TMC6: variants seen among roughly 807,000 people sequenced by gnomAD.
The protein encoded by TMC6 is transmembrane channel like 6.
A neutral mutation model predicts 95.4 loss-of-function variants in TMC6; 71 were observed. That is an observed-to-expected ratio of 0.74 (90% CI 0.61 to 0.91). The LOEUF is 0.91. TMC6 is among the 40% of genes least tolerant of loss of function. The pLI is 0.00. For missense variants in TMC6, 1,074 were observed against 1,079.1 expected (o/e 1.00, Z 0.07); for synonymous variants, 514 against 483.1 (o/e 1.06, Z -0.84).
At position 78,109,752 on chromosome 17, in the gene TMC6, A is replaced by T; in HGVS notation, c.*3396T>A. 5.8e-6 allele frequency: 2 copies of T among 347,380 alleles called. No homozygotes were observed. The highest frequency in any genetic ancestry group is 4.3e-5 in the South Asian group (2 of 46,730). The allele number at this position is 347,380 out of a possible 1,614,324, so 21.5% of individuals were successfully genotyped here. A position where few individuals can be genotyped will look rare whatever the true frequency, so the allele number is the denominator to read the frequency against. The stretch of plus-strand genomic sequence containing the variant: ...GGGTTCTCAACCTTGGCCCATTAGA[A>T]TTACCTGAAAATTTTTAAGATAATT... On this transcript the variant is annotated 3_prime_UTR_variant, in exon 20 of 20. Transcript: ENST00000590602.
At position 78,109,111 on chromosome 17, in the gene TMC6, T is replaced by TTTG. The variant is rs371196010; in HGVS notation, c.*4034_*4036dup. 38 of 262,202 alleles carry TTTG rather than the reference T, an allele frequency of 1.4e-4. No individual in the cohort carries two copies. Among genetic ancestry groups the TTTG allele is most frequent in the African/African-American group, 7.1e-4 (32 of 44,878 alleles). 16.2% of individuals were successfully genotyped at this position (262,202 alleles called of 1,614,324 possible). ...ACAGGCATGAGCCAGGTGCCCAGCC[T>TTTG]TTGTTGTTGTTGTTGTTGCTGCTAT... On this transcript the variant is annotated 3_prime_UTR_variant, in exon 20 of 20. Transcript: ENST00000590602.
In TMC6 at chr17:78,117,343, C is replaced by G; in HGVS notation, c.2203G>C (p.Val735Leu). Residue 735 changes from valine to leucine, a missense_variant, in exon 18 of 20, where the codon GTG becomes CTG. Transcript: ENST00000590602. ...VFLVSALLLA[V>L]IYLNIQVVRG... ...ACCACCTGGATGTTGAGGTAGATCA[C>G]GGCCCTGCGGGAGAGGGGCTGTCGG... The G allele has an allele frequency of 3.1e-6, 5 of 1,613,106 alleles. No homozygotes were observed. Among genetic ancestry groups the G allele is most frequent in the Admixed American group, 1.7e-5 (1 of 60,018 alleles).
intron 8 of TMC6, 168 bp downstream of exon 8, chr17:78,124,356 T>A: frequency 7.5e-7 from 1 of 1,340,336 alleles, no homozygotes; most frequent in South Asian, 1.3e-5. Context: ...CCCAGCACGA[T>A]GAGCATCCAG....
Position 78,122,720 on chromosome 17 carries a change from CGGTAGCT to C in TMC6, c.1105_1111del (p.Ser369GlyfsTer21). On this transcript the variant is annotated frameshift_variant, in exon 10 of 20. Transcript: ENST00000590602. LOFTEE classifies it high-confidence loss of function. This position sits in a 1 kb window ranked among gnomAD's most constrained non-coding sequence, Gnocchi z 4.9. ...GTGGATGCCAGAGGTGCTGCCCACC[CGGTAGCT>C]CTCCCCGAAAGAGTGAGCCATGCTG... The C allele has an allele frequency of 6.2e-7, 1 of 1,611,188 alleles. No individual in the cohort carries two copies.
intron 5 of TMC6, 42 bp downstream of exon 5, chr17:78,125,684 G>A: frequency 6.5e-7 from 1 of 1,550,176 alleles, no homozygotes; most frequent in Non-Finnish European, 8.7e-7. Context: ...CCCCACCCCA[G>A]GCCGGTGTCC....
At chr17:78,131,775 G>GA, upstream of TMC6, 1 of 1,556,530 alleles carries the variant, frequency 6.4e-7, no homozygotes, top group Non-Finnish European at 8.7e-7. Flanking sequence ...GCGTGGGGGG[G>GA]GTGCTGCGAG....
Position 78,124,699 on chromosome 17 carries a change from C to T in TMC6, c.716G>A (p.Gly239Asp). ...GGAGAGCACGCTGGAGCCGAACTGG[C>T]CCCCGATGCGCTTCAGGGCGTAGCG... ...PWRYALKRIG[G>D]QFGSSVLSYF... The change falls in exon 8 of 20, where the codon GGC becomes GAC. Residue 239 changes from glycine (G) to aspartate (D), a missense_variant. Physicochemically the swap from Gly to Asp is moderately conservative, Grantham distance 94. Coordinates refer to ENST00000590602, the MANE Select transcript of TMC6 (RefSeq NM_001127198.5). 1 of 1,600,326 alleles carries T rather than the reference C, an allele frequency of 6.2e-7. No homozygotes were observed. The highest frequency in any genetic ancestry group is 8.5e-7 in the Non-Finnish European group (1 of 1,173,914).
intron 1 of TMC6, among the ~76,000 whole-genome samples, chr17:78,127,951 G>A (rs926514092): frequency 5.3e-5 from 8 of 152,182 alleles, no homozygotes; most frequent in Admixed American, 2.0e-4. Flanking sequence ...GCCCCACCCA[G>A]CCTAACACGG....
chr17:78,110,392 C>A lies in TMC6; in HGVS notation c.*2756G>T, dbSNP rs2073801949. ...GGCCTGGTTGTATGCACCTGTAATCCCAGCTACTTGGGAGGCTGAGGCAGT... is the reference window on the plus strand; with the variant it reads ...GGCCTGGTTGTATGCACCTGTAATCACAGCTACTTGGGAGGCTGAGGCAGT... On this transcript the variant is annotated 3_prime_UTR_variant, in exon 20 of 20. Transcript: ENST00000590602. 6.6e-6 allele frequency: 1 copy of A among 151,838 alleles called. No homozygotes were observed. Among genetic ancestry groups the A allele is most frequent in the Non-Finnish European group, 1.5e-5 (1 of 68,004 alleles). The allele number at this position is 151,838 out of a possible 1,614,324, so 9.4% of individuals were successfully genotyped here.
intron 18 of TMC6, among the ~76,000 whole-genome samples, chr17:78,114,257 C>G (rs2073941018): frequency 6.6e-6 from 1 of 152,144 alleles, no homozygotes; most frequent in African/African-American, 2.4e-5. Flanking sequence ...TCAAGTCCTG[C>G]TCACGTGGCA....
intron 1 of TMC6, among the ~76,000 whole-genome samples, chr17:78,127,412 C>T (rs2074775329): frequency 6.6e-6 from 1 of 152,198 alleles, no homozygotes; most frequent in Non-Finnish European, 1.5e-5. Context: ...GGGCTCCTCC[C>T]CCACACACAG....
At chr17:78,123,068 C>G (rs1394794368) in intron 9 of TMC6, 1 of 470,192 alleles carries the variant, frequency 2.1e-6, no homozygotes, top group Non-Finnish European at 3.9e-6. Flanking sequence ...ACTGCTGGTC[C>G]CAATGACCAA....
At chr17:78,114,775 G>A (rs1487114829) in intron 18 of TMC6, among the ~76,000 whole-genome samples, 2 of 152,184 alleles carry the variant, frequency 1.3e-5, no homozygotes, top group African/African-American at 4.8e-5. Flanking sequence ...GAGTATGGAG[G>A]GGCTGTGCAC....
chr17:78,131,837 C>A, upstream of TMC6: 1 of 1,483,498 alleles, frequency 6.7e-7, no homozygotes, highest in Non-Finnish European at 8.9e-7. Context: ...CCCGGGTGGG[C>A]AGGGCGGGTG....
intron 9 of TMC6, among the ~76,000 whole-genome samples, chr17:78,123,431 G>A (rs2074514314): frequency 1.3e-5 from 2 of 151,748 alleles, no homozygotes; most frequent in African/African-American, 4.8e-5. Flanking sequence ...AGATAAGGAG[G>A]TGGATGGATG....
Position 78,123,301 on chromosome 17 carries a change from G to A in TMC6, c.1083-552C>T, listed in dbSNP as rs567741975. 1.5e-3 allele frequency among the ~76,000 whole-genome samples: 228 copies of A among 152,346 alleles called. 1 individual carries two copies. Among genetic ancestry groups the A allele is most frequent in the African/African-American group, 5.3e-3 (219 of 41,576 alleles). On this transcript the variant is annotated intron_variant, in intron 9 of 19. Transcript: ENST00000590602. Reference sequence around the variant, plus strand: ...GACATTTACCATCCTGCCCTGAGCTGAGCACAGAGAATGTTTGTGGAATAC... The same window carrying A: ...GACATTTACCATCCTGCCCTGAGCTAAGCACAGAGAATGTTTGTGGAATAC...
At position 78,123,841 on chromosome 17, in the gene TMC6, G is replaced by T; in HGVS notation, c.1082+148C>A. On this transcript the variant is annotated intron_variant, in intron 9 of 19. Coordinates refer to ENST00000590602, the MANE Select transcript of TMC6 (RefSeq NM_001127198.5). ...GATGGATGGGTAGATGGGTGGGTAA[G>T]TGGATAGTTGGATAGGTGAGTGGAT... is the stretch of plus-strand genomic sequence containing the variant. The T allele has an allele frequency of 6.5e-6, 7 of 1,079,992 alleles. No homozygotes were observed. In the South Asian group the frequency reaches 8.1e-5, roughly 13 times the overall value. 66.9% of individuals were successfully genotyped at this position (1,079,992 alleles called of 1,614,324 possible).
At chr17:78,115,656 CAG>C (rs1381455222) in intron 18 of TMC6, among the ~76,000 whole-genome samples, 58 of 143,646 alleles carry the variant, frequency 4.0e-4, no homozygotes, top group African/African-American at 6.0e-4. Flanking sequence ...GGAGTGGGCA[CAG>C]GGGCGAAGGG....
Position 78,111,267 on chromosome 17 carries a change from G to C in TMC6, c.*1881C>G, listed in dbSNP as rs185634213. The C allele has an allele frequency of 2.0e-4, 31 of 152,472 alleles. No individual in the cohort carries two copies. Among genetic ancestry groups the C allele is most frequent in the African/African-American group, 6.0e-4 (25 of 41,588 alleles). 9.4% of individuals were successfully genotyped at this position (152,472 alleles called of 1,614,324 possible). A position where few individuals can be genotyped will look rare whatever the true frequency, so the allele number is the denominator to read the frequency against. ...GACTAGCACACACGGTAATTCTCCA[G>C]AAATATCCAGGCCAAGTTCTTCCAC... On this transcript the variant is annotated 3_prime_UTR_variant, in exon 20 of 20. Coordinates refer to ENST00000590602, the MANE Select transcript of TMC6 (RefSeq NM_001127198.5).
Sources: gnomAD v4.1 joint callset for allele counts (sites outside exome capture counted in the v4.1 genomes callset) on GRCh38, gnomAD v4.1.1 for gene constraint, Gnocchi (gnomAD v3.1) non-coding constraint, MANE v1.5 for transcripts, NCBI Gene and HGNC (gene_info 2026-07-23, HGNC 2026-07-21) for gene names.